The following ACAT2 variants were observed in gnomAD, a reference collection of about 807,000 sequenced individuals.
ACAT2 encodes acetyl-CoA acetyltransferase 2.
In ACAT2, 26 loss-of-function variants were observed where a neutral mutation model predicts 37.1. The ratio of observed to expected loss-of-function variants is 0.70; its 90% CI spans 0.51 to 0.97. ACAT2 has a LOEUF of 0.97. ACAT2 is among the 50% of genes least tolerant of loss of function. The pLI, the probability that ACAT2 is intolerant of heterozygous loss-of-function variation, is 0.00. For synonymous variants in ACAT2, 156 were observed against 163.6 expected (o/e 0.95, Z 0.35); for missense variants, 468 against 489.0 (o/e 0.96, Z 0.40).
In ACAT2 at chr6:159,778,756, G is replaced by T; in HGVS notation, c.1121G>T (p.Gly374Val). Reference protein sequence around the residue: ...VTLLHTLERMGRSRGVAALCI... With the variant: ...VTLLHTLERMVRSRGVAALCI... The stretch of plus-strand genomic sequence containing the variant: ...CTGTTACACACACTGGAGAGAATGG[G>T]CAGAAGTCGTGGTGTTGCAGCCCTG... Residue 374 changes from glycine (G) to valine (V), a missense_variant, in exon 9 of 9, where the codon GGC becomes GTC. Physicochemically the swap from Gly to Val is moderately radical, Grantham distance 109. Transcript: ENST00000367048. The T allele has an allele frequency of 6.2e-7, 1 of 1,614,220 alleles. No individual in the cohort carries two copies. Among genetic ancestry groups the T allele is most frequent in the East Asian group, 2.2e-5 (1 of 44,884 alleles).
intron 2 of ACAT2, 74 bp downstream of exon 2, chr6:159,763,127 C>T (rs900549849): frequency 9.4e-6 from 14 of 1,493,120 alleles, no homozygotes; most frequent in Non-Finnish European, 1.3e-5. Context: ...CACACACACT[C>T]TCACACACTC....
intron 2 of ACAT2, among the ~76,000 whole-genome samples, chr6:159,765,155 G>C (rs527787074): frequency 6.6e-6 from 1 of 152,212 alleles, no homozygotes; most frequent in South Asian, 2.1e-4. Flanking sequence ...CCACTCTGTT[G>C]CCCAGGCTGG....
intron 6 of ACAT2, 125 bp downstream of exon 6, chr6:159,776,397 A>G (rs940994863): frequency 1.7e-6 from 2 of 1,208,282 alleles, no homozygotes; most frequent in Non-Finnish European, 2.2e-6. Context: ...TCTGCCAGCC[A>G]GGTTCGTGTG....
chr6:159,778,360 G>T lies in ACAT2; in HGVS notation c.1023+80G>T, dbSNP rs1044563104. The T allele has an allele frequency of 1.0e-5, 10 of 971,136 alleles. No homozygotes were observed. The African/African-American group carries it at 1.7e-4, about 16-fold the overall frequency. 60.2% of individuals were successfully genotyped at this position (971,136 alleles called of 1,614,324 possible). A position where few individuals can be genotyped will look rare whatever the true frequency, so the allele number is the denominator to read the frequency against. ...TTAAGATAGTATCTTCTAGGTGTTG[G>T]CCATGTGGGTAATAGTTAAAGAAAT... On this transcript the variant is annotated intron_variant, in intron 8 of 8. Transcript: ENST00000367048.
chr6:159,770,836 G>T (rs767167247), intron 4 of ACAT2, among the ~76,000 whole-genome samples: 2 of 150,144 alleles, frequency 1.3e-5, no homozygotes, highest in East Asian at 4.0e-4. Context: ...AGGCCAAGCC[G>T]GGTAGATCAT....
At chr6:159,771,486 T>A (rs1780336000) in intron 4 of ACAT2, among the ~76,000 whole-genome samples, 1 of 151,888 alleles carries the variant, frequency 6.6e-6, no homozygotes, top group African/African-American at 2.4e-5. Flanking sequence ...AGAGAGAGAA[T>A]GGGGCAGAAA....
At chr6:159,762,248 G>C in intron 1 of ACAT2, 106 bp downstream of exon 1, 3 of 1,403,998 alleles carry the variant, frequency 2.1e-6, no homozygotes, top group East Asian at 2.5e-5. Flanking sequence ...GAGGAAGCCG[G>C]TCAGGCCAAG....
At chr6:159,769,015 G>A (rs1780297001) in intron 4 of ACAT2, among the ~76,000 whole-genome samples, 1 of 152,180 alleles carries the variant, frequency 6.6e-6, no homozygotes, top group Non-Finnish European at 1.5e-5. Context: ...TGTGGTCTAA[G>A]TTTAATGGCA....
intron 7 of ACAT2, 75 bp from the exon 8 acceptor site, chr6:159,778,093 TTA>T (rs1780464097): frequency 1.1e-6 from 1 of 940,906 alleles, no homozygotes; most frequent in Non-Finnish European, 1.7e-6. Context: ...CAGCATATAT[TTA>T]TGTTGACAAA....
intron 4 of ACAT2, among the ~76,000 whole-genome samples, chr6:159,771,248 C>T (rs1383687108): frequency 3.9e-5 from 6 of 151,946 alleles, no homozygotes; most frequent in Admixed American, 1.3e-4. Context: ...AGGCTGGTGG[C>T]GCATGCCTGT....
chr6:159,763,815 G>A (rs1345235201), intron 2 of ACAT2, among the ~76,000 whole-genome samples: 7 of 150,270 alleles, frequency 4.7e-5, no homozygotes, highest in Non-Finnish European at 8.9e-5. Context: ...TTACGAAGCA[G>A]GGCCGGCCGG....
chr6:159,763,352 A>T (rs1418647875), intron 2 of ACAT2, among the ~76,000 whole-genome samples: 2 of 152,106 alleles, frequency 1.3e-5, no homozygotes, highest in Non-Finnish European at 2.9e-5. Context: ...CAGAAGTTTG[A>T]GACTAGCCTG....
In ACAT2 at chr6:159,778,422, TTTAAAAAAAAAAAAAA is replaced by T. The variant is rs1780478313; in HGVS notation, c.1023+143_1023+158del. ...GGACTGAGTTCATTACTTCCCAAGGTTTAAAAAAAAAAAAAAAAAAAAAAAAAGACATTGGCTTACT... is the reference window on the plus strand; with the variant it reads ...GGACTGAGTTCATTACTTCCCAAGGTAAAAAAAAAAAGACATTGGCTTACT... On this transcript the variant is annotated intron_variant, in intron 8 of 8. Coordinates refer to ENST00000367048, the MANE Select transcript of ACAT2 (RefSeq NM_005891.3). The T allele has an allele frequency of 1.1e-4, 50 of 438,956 alleles. 3 individuals are homozygous for T. In the South Asian group the frequency reaches 2.0e-3, roughly 17 times the overall value. 27.2% of individuals were successfully genotyped at this position (438,956 alleles called of 1,614,324 possible). A position where few individuals can be genotyped will look rare whatever the true frequency, so the allele number is the denominator to read the frequency against.
Position 159,762,668 on chromosome 6 carries a change from G to A in ACAT2, c.56-251G>A, listed in dbSNP as rs1053351228. 3 of 1,473,852 alleles carry A rather than the reference G, an allele frequency of 2.0e-6. No homozygotes were observed. The African/African-American group carries it at 4.2e-5, about 21-fold the overall frequency. 91.3% of individuals were successfully genotyped at this position (1,473,852 alleles called of 1,614,324 possible). ...GTCGCATCCAGTCCTTCGGATTTGG[G>A]GAAATAGAAGGGCTACAGCGGCGTC... On this transcript the variant is annotated intron_variant, in intron 1 of 8. Coordinates refer to ENST00000367048, the MANE Select transcript of ACAT2 (RefSeq NM_005891.3).
intron 5 of ACAT2, chr6:159,775,678 G>A (rs758715525): frequency 2.8e-5 from 6 of 211,898 alleles, no homozygotes; most frequent in Non-Finnish European, 5.6e-5. Flanking sequence ...CGCTGTTTCT[G>A]TGTGATCTCC....
Position 159,778,806 on chromosome 6 carries a change from G to C in ACAT2, c.1171G>C (p.Ala391Pro). 6.2e-7 allele frequency: 1 copy of C among 1,614,224 alleles called. No individual in the cohort carries two copies. The highest frequency in any genetic ancestry group is 8.5e-7 in the Non-Finnish European group (1 of 1,180,040). ...ALCIGGGMGI[A>P]MCVQRE is the part of the protein sequence containing the mutation. Reference sequence around the variant, plus strand: ...GTGCATTGGGGGTGGGATGGGAATAGCAATGTGTGTTCAGAGAGAATGAAT... The same window carrying C: ...GTGCATTGGGGGTGGGATGGGAATACCAATGTGTGTTCAGAGAGAATGAAT... The change falls in exon 9 of 9, where the codon GCA (alanine) becomes CCA (proline). Residue 391 changes from alanine (A) to proline (P), a missense_variant. Physicochemically the swap from Ala to Pro is conservative, Grantham distance 27. Transcript: ENST00000367048.
At chr6:159,766,869 C>T in intron 2 of ACAT2, 136 bp from the exon 3 acceptor site, 1 of 978,276 alleles carries the variant, frequency 1.0e-6, no homozygotes, top group Non-Finnish European at 1.5e-6. Flanking sequence ...GCCTTTTTGC[C>T]TCCAGTGGGC....
At chr6:159,777,234 A>G (rs1037928439) in intron 6 of ACAT2, 68 bp from the exon 7 acceptor site, 158 of 1,529,202 alleles carry the variant, frequency 1.0e-4, no homozygotes, top group Middle Eastern at 3.8e-4. Context: ...TTCAGGTGGT[A>G]AAGAAGCCAC....
intron 6 of ACAT2, among the ~76,000 whole-genome samples, 164 bp from the exon 7 acceptor site, chr6:159,777,138 T>C (rs114164988): frequency 6.6e-6 from 1 of 152,354 alleles, no homozygotes; most frequent in African/African-American, 2.4e-5. Flanking sequence ...TTGTGGTCAA[T>C]ATATTGCCAA....
Sources: allele counts gnomAD v4.1 joint callset (sites outside exome capture counted in the v4.1 genomes callset), GRCh38; gene constraint gnomAD v4.1.1; transcripts MANE v1.5; gene names NCBI Gene and HGNC (gene_info 2026-07-23, HGNC 2026-07-21).